Variants in HAUS8 observed in about 807,000 individuals in gnomAD.
The protein encoded by HAUS8 is HAUS augmin-like complex subunit 8.
Under a neutral mutation model 42.9 loss-of-function variants are expected in HAUS8, and 38 were observed. That is an observed-to-expected ratio of 0.89 (90% CI 0.68 to 1.16). The LOEUF (loss-of-function observed/expected upper bound fraction) is 1.16, where lower values mean the gene tolerates loss of function less well. Among genes scored for constraint, HAUS8 ranks in the 50% most tolerant of loss-of-function variants. HAUS8 has a pLI of 0.00. For missense variants in HAUS8, 494 were observed against 511.6 expected, an observed-to-expected ratio of 0.97 and a Z score of 0.33; for synonymous variants, 199 against 205.8, an observed-to-expected ratio of 0.97 and a Z score of 0.28.
chr19:17,049,759 G>T lies in HAUS8; in HGVS notation c.*114C>A. 2.3e-6 allele frequency: 2 copies of T among 856,068 alleles called. No homozygotes were observed. Among genetic ancestry groups the T allele is most frequent in the Non-Finnish European group, 3.3e-6 (2 of 610,760 alleles). The allele number at this position is 856,068 out of a possible 1,614,324, so 53.0% of individuals were successfully genotyped here. Reference sequence around the variant, plus strand: ...ACTGGCCCCTTCATAGAAAATGGAGGCTTCAATTGCAAAACAGGTTTACTT... The same window carrying T: ...ACTGGCCCCTTCATAGAAAATGGAGTCTTCAATTGCAAAACAGGTTTACTT... On this transcript the variant is annotated 3_prime_UTR_variant, in exon 11 of 11. Transcript: ENST00000253669.
intron 10 of HAUS8, 84 bp from the exon 11 acceptor site, chr19:17,050,260 G>T: frequency 9.2e-7 from 1 of 1,082,604 alleles, no homozygotes; most frequent in Non-Finnish European, 1.2e-6. Context: ...CTGCCACACG[G>T]GGAGGCGGAT....
intron 1 of HAUS8, 78 bp from the exon 2 acceptor site, chr19:17,073,413 G>A: frequency 7.4e-7 from 1 of 1,352,634 alleles, no homozygotes; most frequent in Non-Finnish European, 1.1e-6. Context: ...GCCTCTGCTA[G>A]TTGAAGCTCA....
chr19:17,074,388 A>C (rs2057451073), intron 1 of HAUS8: 1 of 152,434 alleles, frequency 6.6e-6, no homozygotes, highest in African/African-American at 2.4e-5. Flanking sequence ...CCGTGGGGAG[A>C]GGCAACTTAG....
intron 2 of HAUS8, among the ~76,000 whole-genome samples, chr19:17,072,007 T>C (rs111590245): frequency 0.013 from 1,927 of 152,038 alleles, 53 homozygotes; most frequent in African/African-American, 0.043. Context: ...TACAAATAAA[T>C]AAACAGGCTG....
rs772478947 is a variant in HAUS8 at position 17,050,189 on chromosome 19, G to C, written c.930-13C>G. ...CTGGGCAAAGCTCCTGTTGAGGATGGGAGAAAGAATAACGGCTTTCACCCT... is the reference window on the plus strand; with the variant it reads ...CTGGGCAAAGCTCCTGTTGAGGATGCGAGAAAGAATAACGGCTTTCACCCT... On this transcript the variant is annotated splice_polypyrimidine_tract_variant and intron_variant, in intron 10 of 10. Transcript: ENST00000253669. 5.4e-6 allele frequency: 8 copies of C among 1,474,508 alleles called. No homozygotes were observed. Among genetic ancestry groups the C allele is most frequent in the Non-Finnish European group, 7.2e-6 (8 of 1,111,732 alleles). The allele number at this position is 1,474,508 out of a possible 1,614,324, so 91.3% of individuals were successfully genotyped here.
chr19:17,049,843 G>T lies in HAUS8; in HGVS notation c.*30C>A. ...CTACAGTGCTACGGTAGTATATAAA[G>T]TGCTCAAGTATCCTGAATGTAACCA... On this transcript the variant is annotated 3_prime_UTR_variant, in exon 11 of 11. Transcript: ENST00000253669. 5 of 1,423,910 alleles carry T rather than the reference G, an allele frequency of 3.5e-6. No homozygotes were observed. The highest frequency in any genetic ancestry group is 4.6e-6 in the Non-Finnish European group (5 of 1,078,646). 88.2% of individuals were successfully genotyped at this position (1,423,910 alleles called of 1,614,324 possible).
At chr19:17,058,483 A>G in intron 8 of HAUS8, 66 bp downstream of exon 8, 1 of 1,463,440 alleles carries the variant, frequency 6.8e-7, no homozygotes, top group Non-Finnish European at 9.2e-7. Flanking sequence ...ATGCTACCGA[A>G]ACAGTGGAGA....
chr19:17,072,393 A>G (rs2057432595), intron 2 of HAUS8, among the ~76,000 whole-genome samples: 1 of 114,998 alleles, frequency 8.7e-6, no homozygotes, highest in Admixed American at 1.3e-4. Flanking sequence ...CCCAGGTTGG[A>G]GTACAGTGGC....
At chr19:17,069,914 C>T (rs1341335606) in intron 2 of HAUS8, among the ~76,000 whole-genome samples, 5 of 152,050 alleles carry the variant, frequency 3.3e-5, no homozygotes, top group South Asian at 2.1e-4. Context: ...TTCCCCCGGC[C>T]CTGTGAATGG....
chr19:17,056,206 TG>T (rs1420657857), intron 8 of HAUS8, among the ~76,000 whole-genome samples: 1 of 152,206 alleles, frequency 6.6e-6, no homozygotes, highest in Non-Finnish European at 1.5e-5. Context: ...GGCCCCTTAC[TG>T]AGAACATGTG....
intron 1 of HAUS8, 44 bp downstream of exon 1, chr19:17,075,350 C>T (rs1281979187): frequency 6.2e-7 from 1 of 1,608,564 alleles, no homozygotes; most frequent in East Asian, 2.2e-5. Context: ...CCTCTCCAGC[C>T]CTATGGCGTC....
chr19:17,053,340 G>A (rs1366057199), intron 9 of HAUS8: 2 of 235,690 alleles, frequency 8.5e-6, no homozygotes, highest in Non-Finnish European at 1.7e-5. Flanking sequence ...CCACTGAGCA[G>A]AAGGATGCCT....
intron 4 of HAUS8, among the ~76,000 whole-genome samples, chr19:17,061,707 C>A (rs7254179): frequency 6.6e-6 from 1 of 152,030 alleles, no homozygotes; most frequent in Non-Finnish European, 1.5e-5. Flanking sequence ...ACCCACCAGA[C>A]GCCAGTAGAA....
At chr19:17,065,823 CAAAA>C (rs60912543) in intron 3 of HAUS8, among the ~76,000 whole-genome samples, 3 of 129,154 alleles carry the variant, frequency 2.3e-5, no homozygotes, top group Admixed American at 7.6e-5. Context: ...GGCTCTATCT[CAAAA>C]AAAAAAAAAA....
chr19:17,059,956 A>G, intron 5 of HAUS8, 41 bp downstream of exon 5: 8 of 1,428,412 alleles, frequency 5.6e-6, no homozygotes, highest in Non-Finnish European at 7.9e-6. Flanking sequence ...ACCTACTGCA[A>G]CCCCCAGTGA....
intron 2 of HAUS8, among the ~76,000 whole-genome samples, chr19:17,072,757 TA>T (rs1452885675): frequency 1.3e-5 from 2 of 151,642 alleles, no homozygotes; most frequent in Admixed American, 1.3e-4. Context: ...CCCAGACCGA[TA>T]GGTGGAAATC....
chr19:17,052,702 C>T (rs1378550795), intron 10 of HAUS8, 123 bp downstream of exon 10: 14 of 957,432 alleles, frequency 1.5e-5, no homozygotes, highest in African/African-American at 3.3e-5. Context: ...AAGAGCAGCT[C>T]GCTCAGGGGA....
At chr19:17,066,649 C>T (rs2057388707) in intron 3 of HAUS8, among the ~76,000 whole-genome samples, 1 of 152,164 alleles carries the variant, frequency 6.6e-6, no homozygotes, top group Non-Finnish European at 1.5e-5. Flanking sequence ...GTGGCTGCTG[C>T]TTGCTGGTGG....
chr19:17,056,000 G>A lies in HAUS8; in HGVS notation c.648C>T (p.Ile216=), dbSNP rs761195814. ...CTGCCTCGAAGGGGCTGAGCATCTC[G>A]ATCTGTAAGCAGAAGGGATAATCAG... is the stretch of plus-strand genomic sequence containing the variant. The part of the protein sequence containing the change: ...RELADVLDAQ[I]EMLSPFEAVA... The change falls in exon 9 of 11, where the codon ATC becomes ATT. Residue 216 remains isoleucine (I), a splice_region_variant and synonymous_variant. Coordinates refer to ENST00000253669, the MANE Select transcript of HAUS8 (RefSeq NM_033417.2). 1.3e-5 allele frequency: 21 copies of A among 1,613,850 alleles called. No homozygotes were observed. Among genetic ancestry groups the A allele is most frequent in the Middle Eastern group, 3.3e-4 (2 of 6,084 alleles).
Sources: allele counts gnomAD v4.1 joint callset (sites outside exome capture counted in the v4.1 genomes callset), GRCh38; gene constraint gnomAD v4.1.1; transcripts MANE v1.5; gene names NCBI Gene and HGNC (gene_info 2026-07-23, HGNC 2026-07-21).